ADGRL1: variants seen among roughly 807,000 people sequenced by gnomAD.
The protein encoded by ADGRL1 is CIRL-1.
ADGRL1 carries 31 observed loss-of-function variants against 148.9 expected under a neutral mutation model. The observed-to-expected ratio is 0.21, with a 90% CI of 0.16 to 0.28. The LOEUF (loss-of-function observed/expected upper bound fraction) is 0.28. Among genes scored for constraint, ADGRL1 ranks in the 10% least tolerant of loss-of-function variants. ADGRL1 has a pLI of 1.00. For missense variants in ADGRL1, 1,521 were observed against 2,058.8 expected (o/e 0.74, Z 5.05); for synonymous variants, 937 against 900.3 (o/e 1.04, Z -0.73).
At position 14,157,958 on chromosome 19, in the gene ADGRL1, TC is replaced by T; in HGVS notation, c.2458del (p.Glu820SerfsTer45). The T allele has an allele frequency of 6.2e-7, 1 of 1,614,178 alleles. No individual in the cohort carries two copies. The highest frequency in any genetic ancestry group is 8.5e-7 in the Non-Finnish European group (1 of 1,180,014). On this transcript the variant is annotated frameshift_variant, in exon 13 of 23. Transcript: ENST00000361434. LOFTEE classifies it high-confidence loss of function. This position sits in a 1 kb window ranked among gnomAD's most constrained non-coding sequence, Gnocchi z 7.5. ...YWSTQGCRLV[E>X]SNKTHTTCAC... ...ACACGTGGTATGGGTCTTGTTGGAC[TC>T]CACCAGGCGGCAGCCTTGGGTCGAC...
At chr19:14,204,730 G>GAC (rs1972858979) in intron 1 of ADGRL1, among the ~76,000 whole-genome samples, 1 of 151,070 alleles carries the variant, frequency 6.6e-6, no homozygotes, top group Non-Finnish European at 1.5e-5. Flanking sequence ...GAGAGAGAGA[G>GAC]AGAGAGAGAG....
At chr19:14,184,627 TTTATTTA>T (rs1254139318) in intron 1 of ADGRL1, among the ~76,000 whole-genome samples, 2,764 of 133,112 alleles carry the variant, frequency 0.021, 107 homozygotes, top group African/African-American at 0.077. Flanking sequence ...TATTTATTTA[TTTATTTA>T]TTTATTTATT....
intron 1 of ADGRL1, chr19:14,191,194 A>G (rs1599505012): frequency 2.2e-6 from 1 of 456,226 alleles, no homozygotes; most frequent in Non-Finnish European, 4.4e-6. Flanking sequence ...GCGGGTTCCC[A>G]CCCTCCAGCC....
intron 1 of ADGRL1, among the ~76,000 whole-genome samples, chr19:14,197,692 T>C (rs1473496778): frequency 6.6e-6 from 1 of 152,166 alleles, no homozygotes; most frequent in Non-Finnish European, 1.5e-5. Flanking sequence ...TGTGTTTTGC[T>C]CCCCTAACTG....
At chr19:14,201,785 A>G (rs1206902598) in intron 1 of ADGRL1, among the ~76,000 whole-genome samples, 1 of 152,134 alleles carries the variant, frequency 6.6e-6, no homozygotes, top group African/African-American at 2.4e-5. Flanking sequence ...CCCAAAGCAA[A>G]GCAAATCACA....
intron 4 of ADGRL1, chr19:14,167,132 C>G: frequency 9.9e-7 from 1 of 1,007,344 alleles, no homozygotes; most frequent in Non-Finnish European, 1.5e-6. Flanking sequence ...CGTTTCTTTT[C>G]TGGCAACACG....
At chr19:14,169,205 G>C (rs1017185584) in intron 4 of ADGRL1, 2 of 152,250 alleles carry the variant, frequency 1.3e-5, no homozygotes, top group African/African-American at 2.4e-5. Context: ...GTTTACACTC[G>C]GCACTCAAAA....
In ADGRL1 at chr19:14,158,465, G is replaced by A. The variant is rs1168144973; in HGVS notation, c.2237C>T (p.Ala746Val). 6.2e-7 allele frequency: 1 copy of A among 1,613,966 alleles called. No individual in the cohort carries two copies. The highest frequency in any genetic ancestry group is 1.7e-5 in the Admixed American group (1 of 60,032). The change falls in exon 12 of 23, where the codon GCA (alanine) becomes GTA (valine). Residue 746 changes from alanine to valine, a missense_variant. By Grantham distance (64) the Ala-to-Val change is moderately conservative (BLOSUM62 0). Coordinates refer to ENST00000361434, the MANE Select transcript of ADGRL1 (RefSeq NM_014921.5). Reference sequence around the variant, plus strand: ...GGCGCCCCCAGGGCCACCCGGGCCTGCTTCGCCGGCCAGCTTCACTGTGGC... The same window carrying A: ...GGCGCCCCCAGGGCCACCCGGGCCTACTTCGCCGGCCAGCTTCACTGTGGC... ...ENATVKLAGE[A>V]GPGGPGGASL...
intron 1 of ADGRL1, among the ~76,000 whole-genome samples, chr19:14,184,646 A>T (rs11085880): frequency 0.31 from 29,930 of 95,662 alleles, 4,108 homozygotes; most frequent in African/African-American, 0.36. Context: ...TTATTTATTT[A>T]TTTTTTTTTC....
Position 14,173,416 on chromosome 19 carries a change from A to T in ADGRL1, c.285-2625T>A, listed in dbSNP as rs548008013. 5.3e-5 allele frequency among the ~76,000 whole-genome samples: 8 copies of T among 151,946 alleles called. No homozygotes were observed. In the South Asian group the frequency reaches 6.2e-4, roughly 12 times the overall value. On this transcript the variant is annotated intron_variant, in intron 3 of 22. Transcript: ENST00000361434. ...TAGCTGTGCCTAATTTGTAAATTAAACTTTATTATAATTAGAGCTGTATAG... is the reference window on the plus strand; with the variant it reads ...TAGCTGTGCCTAATTTGTAAATTAATCTTTATTATAATTAGAGCTGTATAG...
At position 14,159,370 on chromosome 19, in the gene ADGRL1, T is replaced by C. The variant is rs376875538; in HGVS notation, c.2023+31A>G. The C allele has an allele frequency of 3.2e-6, 5 of 1,586,386 alleles. No homozygotes were observed. Among genetic ancestry groups the C allele is most frequent in the Non-Finnish European group, 4.3e-6 (5 of 1,162,404 alleles). ...AACCCCGTGGTTTAAGGTTCGTATC[T>C]GAGTTTGCCCTGGGTGACTGTGGCA... On this transcript the variant is annotated intron_variant, in intron 10 of 22. Coordinates refer to ENST00000361434, the MANE Select transcript of ADGRL1 (RefSeq NM_014921.5). This position sits in a 1 kb window ranked among gnomAD's most constrained non-coding sequence, Gnocchi z 6.0.
chr19:14,168,122 C>T (rs907685459), intron 4 of ADGRL1, among the ~76,000 whole-genome samples: 7 of 152,072 alleles, frequency 4.6e-5, no homozygotes, highest in African/African-American at 1.7e-4. Flanking sequence ...AGGTGGCTGC[C>T]CAGGCCGCTC....
At position 14,183,523 on chromosome 19, in the gene ADGRL1, C is replaced by G. The variant is rs1486928015; in HGVS notation, c.70+10G>C. 25 of 1,566,412 alleles carry G rather than the reference C, an allele frequency of 1.6e-5. No homozygotes were observed. Among genetic ancestry groups the G allele is most frequent in the African/African-American group, 2.7e-5 (2 of 73,712 alleles). ...AGCCGCGGCCCCTCCCCGGCCCCAG[C>G]AGCACCTACCTTGGGTGGCCGAGGT... On this transcript the variant is annotated intron_variant, in intron 2 of 22. Transcript: ENST00000361434.
At chr19:14,158,666 T>G in intron 11 of ADGRL1, 114 bp from the exon 12 acceptor site, 1 of 810,852 alleles carries the variant, frequency 1.2e-6, no homozygotes, top group Non-Finnish European at 2.0e-6. Context: ...CGCTGGCCAC[T>G]GGGACCTCTG....
chr19:14,172,435 G>C (rs1163994391), intron 3 of ADGRL1, among the ~76,000 whole-genome samples: 2 of 151,124 alleles, frequency 1.3e-5, no homozygotes, highest in African/African-American at 2.4e-5. Flanking sequence ...CAAAACAAAA[G>C]AAAACAAAAA....
At chr19:14,174,858 T>A (rs916528930) in intron 3 of ADGRL1, among the ~76,000 whole-genome samples, 1 of 136,772 alleles carries the variant, frequency 7.3e-6, no homozygotes, top group African/African-American at 2.9e-5. Context: ...TTTTTTTTTT[T>A]AGAGACAGGG....
At position 14,160,760 on chromosome 19, in the gene ADGRL1, G is replaced by A; in HGVS notation, c.1511-64C>T. 1 of 933,832 alleles carries A rather than the reference G, an allele frequency of 1.1e-6. No homozygotes were observed. The highest frequency in any genetic ancestry group is 1.7e-6 in the Non-Finnish European group (1 of 572,026). 57.8% of individuals were successfully genotyped at this position (933,832 alleles called of 1,614,324 possible). On this transcript the variant is annotated intron_variant, in intron 6 of 22. Transcript: ENST00000361434. This position sits in a 1 kb window ranked among gnomAD's most constrained non-coding sequence, Gnocchi z 5.9. The stretch of plus-strand genomic sequence containing the variant: ...AAGGGAAGAAGAGAAGGATGGGACA[G>A]AGAGGGGGAAAGGAGATGACAGAGA...
rs1599452624 is a variant in ADGRL1, at chr19:14,170,739, C to G, written c.337G>C (p.Asp113His). The G allele has an allele frequency of 6.2e-7, 1 of 1,612,668 alleles. No homozygotes were observed. The highest frequency in any genetic ancestry group is 8.5e-7 in the Non-Finnish European group (1 of 1,179,562). The change falls in exon 4 of 23, where the codon GAC (aspartate) becomes CAC (histidine). Residue 113 changes from aspartate (D) to histidine (H), a missense_variant. Asp to His is a moderately conservative substitution (Grantham distance 81). Coordinates refer to ENST00000361434, the MANE Select transcript of ADGRL1 (RefSeq NM_014921.5). ...TACTTGTAGGTCCCAGGACAGGGGT[C>G]AGGAAAGGCATCCGAGCCGGCGACC... ...VVVAGSDAFP[D>H]PCPGTYKYLE...
chr19:14,171,340 C>T (rs149199750), intron 3 of ADGRL1: 1 of 152,526 alleles, frequency 6.6e-6, no homozygotes, highest in African/African-American at 2.4e-5. Context: ...CTTGTGTGGG[C>T]ACTTTTTGTT....
Sources: allele counts gnomAD v4.1 joint callset (sites outside exome capture counted in the v4.1 genomes callset), GRCh38; gene constraint gnomAD v4.1.1; non-coding constraint Gnocchi (gnomAD v3.1); transcripts MANE v1.5; gene names NCBI Gene and HGNC (gene_info 2026-07-23, HGNC 2026-07-21).